The following CIB4 variants were observed in gnomAD, a reference collection of about 807,000 sequenced individuals.
CIB4 encodes the protein calcium and integrin-binding family member 4.
Under a neutral mutation model 25.8 loss-of-function variants are expected in CIB4, and 25 were observed. The observed-to-expected ratio is 0.97, with a 90% CI of 0.71 to 1.35. The LOEUF is 1.35. Among genes scored for constraint, CIB4 ranks in the 40% most tolerant of loss-of-function variants. CIB4 has a pLI of 0.00. For missense variants in CIB4, 235 were observed against 228.2 expected, an observed-to-expected ratio of 1.03 and a Z score of -0.19; for synonymous variants, 75 against 81.4, an observed-to-expected ratio of 0.92 and a Z score of 0.42.
intron 4 of CIB4, among the ~76,000 whole-genome samples, chr2:26,592,175 C>T (rs776572318): frequency 6.6e-5 from 10 of 152,278 alleles, no homozygotes; most frequent in South Asian, 2.1e-4. Context: ...GGTTTGCAAC[C>T]GAAAGACTCT....
At chr2:26,625,448 G>A (rs1162616613) in intron 3 of CIB4, among the ~76,000 whole-genome samples, 3 of 150,898 alleles carry the variant, frequency 2.0e-5, no homozygotes, top group African/African-American at 7.3e-5. Flanking sequence ...TGCCTTCTGG[G>A]TTCAAGCGAT....
chr2:26,624,798 G>T (rs1045997989), intron 3 of CIB4, among the ~76,000 whole-genome samples: 2 of 151,322 alleles, frequency 1.3e-5, no homozygotes, highest in African/African-American at 4.9e-5. Flanking sequence ...TAGAAAAAAT[G>T]AATAAGACCT....
intron 4 of CIB4, among the ~76,000 whole-genome samples, chr2:26,593,971 CTT>C (rs1385015513): frequency 6.6e-6 from 1 of 152,206 alleles, no homozygotes; most frequent in Non-Finnish European, 1.5e-5. Flanking sequence ...AACTCTCTGG[CTT>C]TTCAAGTCAG....
intron 3 of CIB4, among the ~76,000 whole-genome samples, chr2:26,601,231 A>AAAAATATAT (rs1395827334): frequency 5.8e-4 from 10 of 17,222 alleles, no homozygotes; most frequent in African/African-American, 1.5e-3. Flanking sequence ...AAAAAAAAAA[A>AAAAATATAT]ATATATATAT....
chr2:26,589,231 CTCT>C (rs1331139199), intron 4 of CIB4, among the ~76,000 whole-genome samples: 1 of 147,996 alleles, frequency 6.8e-6, no homozygotes, highest in Non-Finnish European at 1.5e-5. Context: ...CCTCCTCCCC[CTCT>C]TCTTCTACTT....
intron 1 of CIB4, among the ~76,000 whole-genome samples, chr2:26,640,929 C>G (rs776047204): frequency 6.6e-6 from 1 of 152,206 alleles, no homozygotes; most frequent in African/African-American, 2.4e-5. Context: ...ACCGCTACCC[C>G]GCCTGGTAAA....
intron 3 of CIB4, among the ~76,000 whole-genome samples, chr2:26,606,105 T>C (rs1668884794): frequency 6.6e-6 from 1 of 152,132 alleles, no homozygotes; most frequent in Non-Finnish European, 1.5e-5. Flanking sequence ...AAGCTCATCG[T>C]CTGAACTTCA....
At chr2:26,598,231 C>T (rs975668257) in intron 3 of CIB4, among the ~76,000 whole-genome samples, 7 of 150,934 alleles carry the variant, frequency 4.6e-5, no homozygotes, top group South Asian at 2.1e-4. Context: ...ACCCAGGAGG[C>T]GGAGGTTGCA....
At chr2:26,624,514 C>T (rs1284626843) in intron 3 of CIB4, among the ~76,000 whole-genome samples, 2 of 152,056 alleles carry the variant, frequency 1.3e-5, no homozygotes, top group Admixed American at 6.6e-5. Context: ...GAGAACAATA[C>T]GGACAAAAGG....
intron 1 of CIB4, 123 bp from the exon 2 acceptor site, chr2:26,640,690 AC>A (rs1016129175): frequency 1.9e-6 from 2 of 1,042,198 alleles, no homozygotes; most frequent in Admixed American, 2.1e-5. Context: ...AGCTGGGGGA[AC>A]CCCAGGTTGA....
At position 26,615,734 on chromosome 2, in the gene CIB4, G is replaced by A. The variant is rs529937912; in HGVS notation, c.186+13676C>T. ...GGTGGCAGCGGCAAGGCCGAGGCAG[G>A]GGGCCAGAGCCCGTCCCTCCACTGC... On this transcript the variant is annotated intron_variant, in intron 3 of 6. Transcript: ENST00000288861. Among the ~76,000 whole-genome samples, 4 of 152,372 alleles carry A rather than the reference G, an allele frequency of 2.6e-5. No individual in the cohort carries two copies. In the East Asian group the frequency reaches 7.7e-4, roughly 29 times the overall value.
chr2:26,605,429 G>C (rs1036334141), intron 3 of CIB4: 7 of 462,120 alleles, frequency 1.5e-5, no homozygotes, highest in African/African-American at 1.4e-4. Context: ...GTGGCTGCCC[G>C]GAGGAAATGG....
At chr2:26,604,506 G>T (rs1193632774) in intron 3 of CIB4, among the ~76,000 whole-genome samples, 1 of 152,118 alleles carries the variant, frequency 6.6e-6, no homozygotes, top group African/African-American at 2.4e-5. Flanking sequence ...GAAGACAATG[G>T]AGCGATATAT....
chr2:26,613,465 C>CA, intron 3 of CIB4, among the ~76,000 whole-genome samples: 1 of 152,192 alleles, frequency 6.6e-6, no homozygotes, highest in East Asian at 1.9e-4. Context: ...TCCTGCCACT[C>CA]AGAGGGCACA....
At chr2:26,595,364 C>A in intron 3 of CIB4, 47 bp from the exon 4 acceptor site, 1 of 1,587,220 alleles carries the variant, frequency 6.3e-7, no homozygotes, top group Non-Finnish European at 8.6e-7. Context: ...AGGGTCGGGG[C>A]TGTGTCTCCC....
intron 4 of CIB4, among the ~76,000 whole-genome samples, chr2:26,593,512 T>G (rs983437734): frequency 6.6e-6 from 1 of 152,208 alleles, no homozygotes; most frequent in Non-Finnish European, 1.5e-5. Context: ...TGCAGAATCC[T>G]GACTAATACA....
In CIB4 at chr2:26,587,217, A is replaced by T. The variant is rs1012907223; in HGVS notation, c.329-3319T>A. On this transcript the variant is annotated intron_variant, in intron 4 of 6. Coordinates refer to ENST00000288861, the MANE Select transcript of CIB4 (RefSeq NM_001029881.3). ...GCTACTCGGGAGGCTGAGGCAGGAG[A>T]ATGGCATGAACCTGGGAGGCAGAGC... is the stretch of plus-strand genomic sequence containing the variant. Among the ~76,000 whole-genome samples the T allele has an allele frequency of 1.0e-4, 15 of 144,742 alleles. No homozygotes were observed. The East Asian group carries it at 3.2e-3, about 31-fold the overall frequency. 95.0% of individuals were successfully genotyped at this position (144,742 alleles called of 152,430 possible). A position where few individuals can be genotyped will look rare whatever the true frequency, so the allele number is the denominator to read the frequency against.
At chr2:26,591,264 A>G (rs1668580929) in intron 4 of CIB4, among the ~76,000 whole-genome samples, 1 of 152,240 alleles carries the variant, frequency 6.6e-6, no homozygotes, top group Admixed American at 6.5e-5. Context: ...AGGGGAAGCT[A>G]GATCACTGGC....
intron 3 of CIB4, among the ~76,000 whole-genome samples, chr2:26,614,449 G>A (rs1669053949): frequency 6.6e-6 from 1 of 152,202 alleles, no homozygotes; most frequent in Non-Finnish European, 1.5e-5. Context: ...TCCCATTAGC[G>A]TGTCATTTGC....
Sources: gnomAD v4.1 joint callset for allele counts (sites outside exome capture counted in the v4.1 genomes callset) on GRCh38, gnomAD v4.1.1 for gene constraint, MANE v1.5 for transcripts, NCBI Gene and HGNC (gene_info 2026-07-23, HGNC 2026-07-21) for gene names.